Variants in RNASEL observed in about 807,000 individuals in gnomAD.
RNASEL encodes ribonuclease L.
Under a neutral mutation model 50.9 loss-of-function variants are expected in RNASEL, and 36 were observed. The observed-to-expected ratio is 0.71, with a 90% CI of 0.54 to 0.93. RNASEL has a LOEUF of 0.93. Among genes scored for constraint, RNASEL ranks in the 40% least tolerant of loss-of-function variants. The pLI is 0.00. For synonymous variants in RNASEL, 335 were observed against 335.6 expected, an observed-to-expected ratio of 1.00 and a Z score of 0.02; for missense variants, 860 against 894.5, an observed-to-expected ratio of 0.96 and a Z score of 0.49.
rs1221386283 is a variant in RNASEL, at chr1:182,585,713, A to C, written c.1094T>G (p.Ile365Ser). Reference sequence around the variant, plus strand: ...ATCAGCAATTTTGTATTTTTCATCAATAAAGAACTTGAGTTTGCCAATCAT... The same window carrying C: ...ATCAGCAATTTTGTATTTTTCATCACTAAAGAACTTGAGTTTGCCAATCAT... ...RPMIGKLKFFIDEKYKIADTS... is the reference protein window; with the variant it reads ...RPMIGKLKFFSDEKYKIADTS... Residue 365 changes from isoleucine to serine, a missense_variant, in exon 2 of 7, where the codon ATT becomes AGT. Transcript: ENST00000367559. The C allele has an allele frequency of 3.7e-6, 6 of 1,613,978 alleles. No individual in the cohort carries two copies.
At chr1:182,584,217 TGA>T (rs1427027784) in intron 2 of RNASEL, 51 bp from the exon 3 acceptor site, 1 of 1,147,700 alleles carries the variant, frequency 8.7e-7, no homozygotes, top group African/African-American at 1.5e-5. Context: ...CTCCATAAAG[TGA>T]GAGTCAATTG....
chr1:182,580,916 A>C (rs1358762257), intron 5 of RNASEL, among the ~76,000 whole-genome samples: 2 of 151,882 alleles, frequency 1.3e-5, no homozygotes, highest in African/African-American at 4.9e-5. Context: ...CCATAATGGC[A>C]ATAGGATTAT....
intron 5 of RNASEL, among the ~76,000 whole-genome samples, chr1:182,576,599 G>A (rs539421372): frequency 6.6e-6 from 1 of 152,192 alleles, no homozygotes; most frequent in East Asian, 1.9e-4. Flanking sequence ...GGGTGGGGTG[G>A]CTCACATCTG....
chr1:182,575,267 G>T lies in RNASEL; in HGVS notation c.*125C>A. ...TATGGAATACACGATGCCAGGGACT[G>T]ACATATCAGCTATGCAACTCATCCC... On this transcript the variant is annotated 3_prime_UTR_variant, in exon 7 of 7. Coordinates refer to ENST00000367559, the MANE Select transcript of RNASEL (RefSeq NM_021133.4). 2 of 888,866 alleles carry T rather than the reference G, an allele frequency of 2.3e-6. No homozygotes were observed. Among genetic ancestry groups the T allele is most frequent in the Non-Finnish European group, 3.8e-6 (2 of 526,716 alleles). The allele number at this position is 888,866 out of a possible 1,614,324, so 55.1% of individuals were successfully genotyped here.
chr1:182,581,586 A>G (rs1571266370), intron 4 of RNASEL, among the ~76,000 whole-genome samples: 1 of 145,760 alleles, frequency 6.9e-6, no homozygotes, highest in Non-Finnish European at 1.5e-5. Context: ...GGTTCAAGCA[A>G]TTCTCCTGCC....
At chr1:182,589,111 T>G (rs2102374421) in intron 1 of RNASEL, 56 bp downstream of exon 1, 1 of 152,388 alleles carries the variant, frequency 6.6e-6, no homozygotes, top group South Asian at 2.1e-4. Flanking sequence ...AGCCCAAGAA[T>G]TCTTCAGGAT....
In RNASEL at chr1:182,586,217, G is replaced by T. The variant is rs1010595710; in HGVS notation, c.590C>A (p.Ala197Asp). 3.7e-6 allele frequency: 6 copies of T among 1,614,156 alleles called. No individual in the cohort carries two copies. The highest frequency in any genetic ancestry group is 5.1e-6 in the Non-Finnish European group (6 of 1,180,028). ...LLDEMGADVNACDNMGRNALI... is the reference protein window; with the variant it reads ...LLDEMGADVNDCDNMGRNALI... Reference sequence around the variant, plus strand: ...GGCATTTCTGCCCATATTGTCACAGGCGTTTACATCTGCCCCCATCTCATC... The same window carrying T: ...GGCATTTCTGCCCATATTGTCACAGTCGTTTACATCTGCCCCCATCTCATC... The change falls in exon 2 of 7, where the codon GCC becomes GAC. Residue 197 changes from alanine to aspartate, a missense_variant. Transcript: ENST00000367559.
intron 6 of RNASEL, 57 bp from the exon 7 acceptor site, chr1:182,575,635 C>T (rs1661364867): frequency 8.8e-6 from 14 of 1,597,792 alleles, no homozygotes; most frequent in African/African-American, 1.3e-5. Flanking sequence ...TTCCCCGCTT[C>T]ACAGCATATG....
rs1453715518 is a variant in RNASEL, at chr1:182,582,047, A to G, written c.1772+6T>C. The G allele has an allele frequency of 6.2e-7, 1 of 1,613,710 alleles. No homozygotes were observed. Among genetic ancestry groups the G allele is most frequent in the Non-Finnish European group, 8.5e-7 (1 of 1,179,690 alleles). ...GCCTGTGGCATCTGCACAAAGTTTT[A>G]CTTACCTCTCCCAAGTCCAAAAGAA... On this transcript the variant is annotated splice_donor_region_variant and intron_variant, in intron 4 of 6. Transcript: ENST00000367559.
At chr1:182,588,051 C>G (rs1207920936) in intron 1 of RNASEL, among the ~76,000 whole-genome samples, 1 of 152,176 alleles carries the variant, frequency 6.6e-6, no homozygotes, top group Non-Finnish European at 1.5e-5. Context: ...GTGTTCTGAG[C>G]ACATTTAAGG....
In RNASEL at chr1:182,586,434, C is replaced by G; in HGVS notation, c.373G>C (p.Gly125Arg). Residue 125 changes from glycine (G) to arginine (R), a missense_variant, in exon 2 of 7, where the codon GGC (glycine) becomes CGC (arginine). Coordinates refer to ENST00000367559, the MANE Select transcript of RNASEL (RefSeq NM_021133.4). ...GADVNECDFY[G>R]FTAFMEAAVY... ...GCGGCTTCCATGAAGGCTGTGAAGC[C>G]ATAAAAATCACACTCATTGACATCT... The G allele has an allele frequency of 6.2e-7, 1 of 1,614,184 alleles. No homozygotes were observed. The highest frequency in any genetic ancestry group is 8.5e-7 in the Non-Finnish European group (1 of 1,180,022).
rs763596300 is a variant in RNASEL, at chr1:182,582,215, A to G, written c.1610T>C (p.Ile537Thr). 1.2e-6 allele frequency: 2 copies of G among 1,614,182 alleles called. No homozygotes were observed. Among genetic ancestry groups the G allele is most frequent in the South Asian group, 1.1e-5 (1 of 91,080 alleles). Reference protein sequence around the residue: ...LVLYVVKKGSISFEDLKAQSN... With the variant: ...LVLYVVKKGSTSFEDLKAQSN... ...TTGAGCTTTCAGATCCTCAAATGAG[A>G]TGCTTCCCTTCTTTACCACATAGAG... Residue 537 changes from isoleucine (I) to threonine (T), a missense_variant, in exon 4 of 7, where the codon ATC becomes ACC. Transcript: ENST00000367559.
rs1472780566 is a variant in RNASEL, at chr1:182,586,373, T to C, written c.434A>G (p.Tyr145Cys). 12 of 1,614,074 alleles carry C rather than the reference T, an allele frequency of 7.4e-6. No homozygotes were observed. In the Middle Eastern group the frequency reaches 4.9e-4, roughly 66 times the overall value. The change falls in exon 2 of 7, where the codon TAT (tyrosine) becomes TGT (cysteine). Residue 145 changes from tyrosine (Y) to cysteine (C), a missense_variant. Tyr to Cys is a radical substitution (Grantham distance 194, BLOSUM62 -2). Transcript: ENST00000367559. ...CAAATTCACATTTGCTCCTCTCTTA[T>C]AAAGGAATTTTAGGGCTTTGACCTT... ...YGKVKALKFL[Y>C]KRGANVNLRR...
intron 5 of RNASEL, chr1:182,579,883 C>T (rs1453742421): frequency 1.9e-5 from 10 of 513,140 alleles, no homozygotes; most frequent in African/African-American, 9.8e-5. Context: ...ATCACAGCTT[C>T]ATGTAGTGGT....
At position 182,576,297 on chromosome 1, in the gene RNASEL, G is replaced by T. The variant is rs1661377080; in HGVS notation, c.1998C>A (p.Ile666=). Residue 666 remains isoleucine, a synonymous_variant, in exon 6 of 7, where the codon ATC becomes ATA. Coordinates refer to ENST00000367559, the MANE Select transcript of RNASEL (RefSeq NM_021133.4). ...CATCAATGTGTTCTCCCAAATTCCG[G>T]ATGAACTTTAGCAGATCACCCACAG... is the stretch of plus-strand genomic sequence containing the variant. ...QNTVGDLLKF[I]RNLGEHIDEE... is the part of the protein sequence containing the mutation. 6.2e-7 allele frequency: 1 copy of T among 1,612,308 alleles called. No individual in the cohort carries two copies. The highest frequency in any genetic ancestry group is 2.2e-5 in the East Asian group (1 of 44,772).
intron 6 of RNASEL, 73 bp downstream of exon 6, chr1:182,576,177 GTAGATA>G: frequency 6.9e-7 from 1 of 1,459,360 alleles, no homozygotes; most frequent in Non-Finnish European, 9.4e-7. Context: ...TTTTTCCATC[GTAGATA>G]TAAACTTAGA....
rs546497562 is a variant in RNASEL at position 182,574,500 on chromosome 1, A to C, written c.*892T>G. On this transcript the variant is annotated 3_prime_UTR_variant, in exon 7 of 7. Transcript: ENST00000367559. ...ACACACTCCACAGTCCTGGGCCTTA[A>C]GCTAGTTCAAAAGCATCCCAGCCCC... The C allele has an allele frequency of 1.2e-3, 285 of 231,932 alleles. 4 individuals are homozygous for C. The highest frequency in any genetic ancestry group is 1.5e-3 in the Non-Finnish European group (179 of 117,314). 14.4% of individuals were successfully genotyped at this position (231,932 alleles called of 1,614,324 possible). A position where few individuals can be genotyped will look rare whatever the true frequency, so the allele number is the denominator to read the frequency against.
chr1:182,579,397 C>T, intron 5 of RNASEL: 1 of 993,342 alleles, frequency 1.0e-6, no homozygotes, highest in South Asian at 4.5e-5. Context: ...ATGCAACAGT[C>T]AAGAATCCAG....
intron 5 of RNASEL, chr1:182,579,446 C>T (rs1196744061): frequency 1.0e-6 from 1 of 1,001,700 alleles, no homozygotes; most frequent in Non-Finnish European, 1.2e-6. Flanking sequence ...AAGAGCAATG[C>T]TAGTGAGGAT....
Sources: gnomAD v4.1 joint callset for allele counts (sites outside exome capture counted in the v4.1 genomes callset) on GRCh38, gnomAD v4.1.1 for gene constraint, MANE v1.5 for transcripts, NCBI Gene and HGNC (gene_info 2026-07-23, HGNC 2026-07-21) for gene names.